CDC25A: variants seen among roughly 807,000 people sequenced by gnomAD.
CDC25A encodes the protein cell division cycle 25A.
A neutral mutation model predicts 64.6 loss-of-function variants in CDC25A; 17 were observed. The ratio of observed to expected loss-of-function variants is 0.26; its 90% CI spans 0.18 to 0.39. The LOEUF (loss-of-function observed/expected upper bound fraction) is 0.39, where lower values mean the gene tolerates loss of function less well. Among genes scored for constraint, CDC25A ranks in the 10% least tolerant of loss-of-function variants. The pLI, the probability that CDC25A is intolerant of heterozygous loss-of-function variation, is 1.00. For synonymous variants in CDC25A, 229 were observed against 238.6 expected (o/e 0.96, Z 0.37); for missense variants, 473 against 654.8 (o/e 0.72, Z 3.03).
chr3:48,185,741 C>T (rs1367347367), intron 2 of CDC25A, among the ~76,000 whole-genome samples: 1 of 152,180 alleles, frequency 6.6e-6, no homozygotes, highest in African/African-American at 2.4e-5. Context: ...GTGAAGGAGA[C>T]ACTGTTCAGC....
intron 13 of CDC25A, 134 bp downstream of exon 13, chr3:48,164,173 T>A: frequency 1.3e-6 from 1 of 753,950 alleles, no homozygotes; most frequent in East Asian, 3.0e-5. Context: ...AAATTACATA[T>A]GAAAATGGCT....
chr3:48,170,897 A>G (rs982600074), intron 9 of CDC25A, among the ~76,000 whole-genome samples: 7 of 152,202 alleles, frequency 4.6e-5, no homozygotes, highest in Non-Finnish European at 8.8e-5. Flanking sequence ...ACTGTACTCT[A>G]GCAATGCTTG....
Position 48,157,349 on chromosome 3 carries a change from A to G in CDC25A, c.*1596T>C, listed in dbSNP as rs2031560125. On this transcript the variant is annotated 3_prime_UTR_variant, in exon 15 of 15. Transcript: ENST00000302506. The stretch of plus-strand genomic sequence containing the variant: ...TTGGAATCTGTCTCAATGCGCGTGT[A>G]GGAAGAAGTCCTCTCCCCCACATTT... 6.6e-6 allele frequency: 1 copy of G among 152,528 alleles called. No individual in the cohort carries two copies. 9.4% of individuals were successfully genotyped at this position (152,528 alleles called of 1,614,324 possible).
chr3:48,184,004 C>A (rs1314271224), intron 3 of CDC25A, among the ~76,000 whole-genome samples, 168 bp from the exon 4 acceptor site: 1 of 151,974 alleles, frequency 6.6e-6, no homozygotes, highest in African/African-American at 2.4e-5. Context: ...CTCAGGAGCA[C>A]CCCCAACACT....
intron 8 of CDC25A, among the ~76,000 whole-genome samples, chr3:48,176,743 G>A (rs1286733062): frequency 1.3e-5 from 2 of 151,520 alleles, no homozygotes; most frequent in East Asian, 3.9e-4. Context: ...GGTCGAGGTG[G>A]GCAGATCACC....
At chr3:48,176,428 T>G (rs2032459101) in intron 8 of CDC25A, among the ~76,000 whole-genome samples, 1 of 151,066 alleles carries the variant, frequency 6.6e-6, no homozygotes, top group African/African-American at 2.4e-5. Flanking sequence ...TGAATATATA[T>G]ACACACATAC....
At chr3:48,171,201 G>A (rs536089905) in intron 9 of CDC25A, among the ~76,000 whole-genome samples, 6 of 151,238 alleles carry the variant, frequency 4.0e-5, no homozygotes, top group African/African-American at 7.3e-5. Flanking sequence ...GTGAAACTCC[G>A]CCTCTACTAA....
intron 9 of CDC25A, among the ~76,000 whole-genome samples, chr3:48,169,797 C>A (rs763569712): frequency 6.6e-6 from 1 of 151,982 alleles, no homozygotes; most frequent in Non-Finnish European, 1.5e-5. Context: ...CACTTGATGT[C>A]AGGGGTTCGA....
At chr3:48,171,911 C>T (rs1365125674) in intron 9 of CDC25A, among the ~76,000 whole-genome samples, 1 of 152,196 alleles carries the variant, frequency 6.6e-6, no homozygotes. Flanking sequence ...GTCCCAGATA[C>T]TTTGGAGGCT....
At chr3:48,175,937 G>A (rs2032439263) in intron 8 of CDC25A, among the ~76,000 whole-genome samples, 1 of 152,162 alleles carries the variant, frequency 6.6e-6, no homozygotes, top group Non-Finnish European at 1.5e-5. Flanking sequence ...GAGGCAGGTG[G>A]ATGGATCACC....
At chr3:48,170,878 G>C (rs1295814943) in intron 9 of CDC25A, among the ~76,000 whole-genome samples, 1 of 151,850 alleles carries the variant, frequency 6.6e-6, no homozygotes, top group Non-Finnish European at 1.5e-5. Context: ...CAATATCACA[G>C]GTATGATAAC....
chr3:48,186,817 G>A (rs201739073), intron 1 of CDC25A, 38 bp from the exon 2 acceptor site: 17 of 1,363,902 alleles, frequency 1.2e-5, no homozygotes, highest in Non-Finnish European at 1.7e-5. Flanking sequence ...TGATTTATAG[G>A]ATATAATTAA....
Position 48,187,985 on chromosome 3 carries a change from C to A in CDC25A, c.-38G>T. On this transcript the variant is annotated 5_prime_UTR_variant, in exon 1 of 15. Transcript: ENST00000302506. ...CCTCGCAGAGCTCCCGCTCCCTCTT[C>A]CTCTGCCTCCGCCGCGACCGCCCCG... 2 of 1,365,350 alleles carry A rather than the reference C, an allele frequency of 1.5e-6. No homozygotes were observed. Among genetic ancestry groups the A allele is most frequent in the Non-Finnish European group, 1.9e-6 (2 of 1,065,250 alleles). The allele number at this position is 1,365,350 out of a possible 1,614,324, so 84.6% of individuals were successfully genotyped here.
In CDC25A at chr3:48,180,416, A is replaced by C. The variant is rs1304888436; in HGVS notation, c.549+305T>G. ...AAAAAAAAAAAAGAAAAAAAGAAAA[A>C]AATAGGAAGAGATATAATCCCACCA... On this transcript the variant is annotated intron_variant, in intron 6 of 14. Transcript: ENST00000302506. 1.7e-5 allele frequency: 4 copies of C among 233,318 alleles called. No individual in the cohort carries two copies. The East Asian group carries it at 2.6e-4, about 15-fold the overall frequency. The allele number at this position is 233,318 out of a possible 1,614,324, so 14.5% of individuals were successfully genotyped here. A position where few individuals can be genotyped will look rare whatever the true frequency, so the allele number is the denominator to read the frequency against.
chr3:48,181,550 A>G lies in CDC25A; in HGVS notation c.430-710T>C, dbSNP rs997375333. On this transcript the variant is annotated intron_variant, in intron 5 of 14. Coordinates refer to ENST00000302506, the MANE Select transcript of CDC25A (RefSeq NM_001789.3). ...GGTCGGCACTGAGGCTGCAGCTATC[A>G]TGGTGAACTTACTTCAGATTGTGCG... 2.6e-6 allele frequency: 4 copies of G among 1,552,164 alleles called. No homozygotes were observed. The South Asian group carries it at 4.5e-5, about 17-fold the overall frequency.
chr3:48,186,607 G>A (rs979814302), intron 2 of CDC25A, 96 bp downstream of exon 2: 4 of 673,202 alleles, frequency 5.9e-6, no homozygotes, highest in South Asian at 3.4e-5. Flanking sequence ...CCAATGCCAT[G>A]ACTTCCTCAA....
intron 13 of CDC25A, among the ~76,000 whole-genome samples, chr3:48,163,283 CA>C (rs753999679): frequency 0.3 from 27,265 of 89,990 alleles, 2,727 homozygotes; most frequent in Non-Finnish European, 0.38. Flanking sequence ...GCCTCCGCCT[CA>C]AAAAAAAAAA....
At chr3:48,171,916 G>C (rs2032283763) in intron 9 of CDC25A, among the ~76,000 whole-genome samples, 1 of 152,210 alleles carries the variant, frequency 6.6e-6, no homozygotes, top group Non-Finnish European at 1.5e-5. Flanking sequence ...AGATACTTTG[G>C]AGGCTGAGGT....
chr3:48,173,088 G>A (rs536591588), intron 9 of CDC25A, among the ~76,000 whole-genome samples: 86 of 151,598 alleles, frequency 5.7e-4, no homozygotes, highest in African/African-American at 1.9e-3. Flanking sequence ...GCGTGGTGGC[G>A]GGGTCCTGTA....
Sources: allele counts gnomAD v4.1 joint callset (sites outside exome capture counted in the v4.1 genomes callset), GRCh38; gene constraint gnomAD v4.1.1; transcripts MANE v1.5; gene names NCBI Gene and HGNC (gene_info 2026-07-23, HGNC 2026-07-21).